SRBD1: variants seen among roughly 807,000 people sequenced by gnomAD.
The protein encoded by SRBD1 is S1 RNA binding domain 1, also known as S1 RNA-binding domain-containing protein 1.
A neutral mutation model predicts 115.3 loss-of-function variants in SRBD1; 88 were observed. That is an observed-to-expected ratio of 0.76 (90% CI 0.64 to 0.91). SRBD1 has a LOEUF of 0.91. SRBD1 is among the 40% of genes least tolerant of loss of function. SRBD1 has a pLI of 0.00. For missense variants in SRBD1, 1,385 were observed against 1,177.4 expected, an observed-to-expected ratio of 1.18 and a Z score of -2.58; for synonymous variants, 509 against 407.7, an observed-to-expected ratio of 1.25 and a Z score of -2.99.
At position 45,419,871 on chromosome 2, in the gene SRBD1, G is replaced by C. The variant is rs748388517; in HGVS notation, c.2073C>G (p.Leu691=). The C allele has an allele frequency of 6.2e-7, 1 of 1,613,406 alleles. No individual in the cohort carries two copies. Among genetic ancestry groups the C allele is most frequent in the South Asian group, 1.1e-5 (1 of 91,050 alleles). Residue 691 remains leucine (L), a synonymous_variant, in exon 17 of 21, where the codon CTC becomes CTG. Transcript: ENST00000263736. Reference sequence around the variant, plus strand: ...CTACAACACTGTCCAGTGTTGCCTTGAGTAAAGTCTGGGATACGTCATGCT... The same window carrying C: ...CTACAACACTGTCCAGTGTTGCCTTCAGTAAAGTCTGGGATACGTCATGCT... ...MYQHDVSQTL[L]KATLDSVVEE...
chr2:45,581,894 G>T (rs774648012), intron 5 of SRBD1, 84 bp from the exon 6 acceptor site: 82 of 1,091,932 alleles, frequency 7.5e-5, no homozygotes, highest in Non-Finnish European at 1.0e-4. Flanking sequence ...CAGAAAAGTT[G>T]CAGGTAAAGT....
At chr2:45,511,686 C>T (rs770613598) in intron 14 of SRBD1, among the ~76,000 whole-genome samples, 7 of 152,156 alleles carry the variant, frequency 4.6e-5, no homozygotes, top group Non-Finnish European at 7.3e-5. Context: ...GGTATATATT[C>T]CCATGCATAT....
In SRBD1 at chr2:45,581,776, T is replaced by C. The variant is rs1192246129; in HGVS notation, c.850A>G (p.Lys284Glu). 1 of 1,613,488 alleles carries C rather than the reference T, an allele frequency of 6.2e-7. No homozygotes were observed. Among genetic ancestry groups the C allele is most frequent in the Non-Finnish European group, 8.5e-7 (1 of 1,179,776 alleles). Residue 284 changes from lysine (K) to glutamate (E), a missense_variant, in exon 6 of 21, where the codon AAA becomes GAA. Physicochemically the swap from Lys to Glu is moderately conservative, Grantham distance 56. Coordinates refer to ENST00000263736, the MANE Select transcript of SRBD1 (RefSeq NM_018079.5). ...VAKKVHSTIQ[K>E]IKKEGKMSEC... ...GACATCTTCCCTTCCTTCTTAATTT[T>C]CTGGATTGTACTATGAACTTTCTTT...
At chr2:45,511,462 TC>T (rs1189373597) in intron 14 of SRBD1, among the ~76,000 whole-genome samples, 3 of 152,092 alleles carry the variant, frequency 2.0e-5, no homozygotes, top group African/African-American at 4.8e-5. Flanking sequence ...TTCATGAACT[TC>T]CCCCAAAAAG....
intron 16 of SRBD1, among the ~76,000 whole-genome samples, chr2:45,453,624 A>G (rs1669063745): frequency 6.6e-6 from 1 of 151,918 alleles, no homozygotes. Flanking sequence ...ACTCAAAAAA[A>G]AATAGCTTCT....
intron 16 of SRBD1, among the ~76,000 whole-genome samples, chr2:45,425,735 C>T (rs935725257): frequency 6.6e-6 from 1 of 152,110 alleles, no homozygotes; most frequent in African/African-American, 2.4e-5. Context: ...AGTCAGGGAA[C>T]TCCCTCCCTC....
chr2:45,585,579 C>G, intron 5 of SRBD1, 29 bp downstream of exon 5: 1 of 1,596,034 alleles, frequency 6.3e-7, no homozygotes, highest in Non-Finnish European at 8.5e-7. Context: ...TCCCCTTACA[C>G]TAGGCTTATT....
chr2:45,430,554 T>C (rs1184509689), intron 16 of SRBD1, among the ~76,000 whole-genome samples: 1 of 152,234 alleles, frequency 6.6e-6, no homozygotes, highest in East Asian at 1.9e-4. Flanking sequence ...AAGGATTTCC[T>C]ATTTAATAAA....
intron 14 of SRBD1, among the ~76,000 whole-genome samples, chr2:45,495,346 G>A (rs1328588775): frequency 6.6e-6 from 1 of 151,986 alleles, no homozygotes; most frequent in African/African-American, 2.4e-5. Flanking sequence ...ACAAACTGAA[G>A]GACAAAAAAG....
chr2:45,523,206 A>G (rs955251567), intron 14 of SRBD1, among the ~76,000 whole-genome samples: 1 of 151,802 alleles, frequency 6.6e-6, no homozygotes, highest in Non-Finnish European at 1.5e-5. Flanking sequence ...AACTATAGTT[A>G]TAAATGCCCA....
chr2:45,603,552 C>T (rs1295820628), intron 2 of SRBD1, among the ~76,000 whole-genome samples: 2 of 152,132 alleles, frequency 1.3e-5, no homozygotes, highest in African/African-American at 4.8e-5. Context: ...TATTTAGAGA[C>T]AGAGTCTCCC....
At chr2:45,421,510 C>CAAAAA (rs869298079) in intron 16 of SRBD1, among the ~76,000 whole-genome samples, 110 of 22,318 alleles carry the variant, frequency 4.9e-3, no homozygotes, top group Non-Finnish European at 6.0e-3. Context: ...CCGTCTCAAA[C>CAAAAA]AAAAAAAAAA....
chr2:45,576,116 ACTC>A (rs149307230), intron 7 of SRBD1, among the ~76,000 whole-genome samples: 9,797 of 150,566 alleles, frequency 0.065, 466 homozygotes, highest in East Asian at 0.18. Flanking sequence ...GACAGAAACA[ACTC>A]CTCCTCCTCC....
intron 16 of SRBD1, among the ~76,000 whole-genome samples, chr2:45,438,422 T>C (rs1558394912): frequency 1.3e-5 from 2 of 152,032 alleles, no homozygotes; most frequent in East Asian, 3.9e-4. Context: ...GAAACCAAAC[T>C]AGGATGACCC....
At chr2:45,540,056 G>A (rs1431787260) in intron 14 of SRBD1, among the ~76,000 whole-genome samples, 1 of 152,034 alleles carries the variant, frequency 6.6e-6, no homozygotes, top group African/African-American at 2.4e-5. Flanking sequence ...ATTAAAAATT[G>A]AATGGGCCAG....
chr2:45,535,785 C>CTAATA (rs1260794961), intron 14 of SRBD1, among the ~76,000 whole-genome samples: 1 of 152,044 alleles, frequency 6.6e-6, no homozygotes, highest in Non-Finnish European at 1.5e-5. Context: ...CTTTTATCCA[C>CTAATA]TGATTAGGAT....
chr2:45,597,578 G>A (rs1211415540), intron 4 of SRBD1, among the ~76,000 whole-genome samples: 1 of 152,124 alleles, frequency 6.6e-6, no homozygotes, highest in Non-Finnish European at 1.5e-5. Context: ...AACTCAAACA[G>A]AGAAGCAGCA....
At chr2:45,493,354 A>C (rs966936176) in intron 14 of SRBD1, among the ~76,000 whole-genome samples, 11 of 152,344 alleles carry the variant, frequency 7.2e-5, no homozygotes, top group African/African-American at 1.4e-4. Flanking sequence ...ATAGGAGACA[A>C]GGCCAAAAAC....
At chr2:45,596,659 T>G (rs927193615) in intron 4 of SRBD1, among the ~76,000 whole-genome samples, 1 of 152,176 alleles carries the variant, frequency 6.6e-6, no homozygotes, top group Non-Finnish European at 1.5e-5. Flanking sequence ...ATCATGATAA[T>G]GTAGTAAACA....
Sources: gnomAD v4.1 joint callset for allele counts (sites outside exome capture counted in the v4.1 genomes callset) on GRCh38, gnomAD v4.1.1 for gene constraint, MANE v1.5 for transcripts, NCBI Gene and HGNC (gene_info 2026-07-23, HGNC 2026-07-21) for gene names.